The following WDR87 variants were observed in gnomAD, a reference collection of about 807,000 sequenced individuals.
WDR87 encodes the protein WD repeat-containing protein 87.
A neutral mutation model predicts 83.3 loss-of-function variants in WDR87; 56 were observed. The observed-to-expected ratio is 0.67, with a 90% confidence interval of 0.54 to 0.84. The LOEUF (loss-of-function observed/expected upper bound fraction) is 0.84, where lower values mean the gene tolerates loss of function less well. Ranked by LOEUF, WDR87 falls within the 40% of genes least tolerant of loss-of-function variation. WDR87 has a pLI of 0.00. For missense variants in WDR87, 2,939 were observed against 3,431.9 expected (o/e 0.86, Z 3.59); for synonymous variants, 1,173 against 1,250.6 (o/e 0.94, Z 1.31).
chr19:37,899,000 A>G (rs1035308486), intron 1 of WDR87, among the ~76,000 whole-genome samples: 7 of 152,206 alleles, frequency 4.6e-5, no homozygotes, highest in African/African-American at 7.2e-5. Context: ...ATTAAGGCCC[A>G]TCAATGAATA....
In WDR87 at chr19:37,887,034, C is replaced by T; in HGVS notation, c.6637G>A (p.Val2213Ile). ...CCTTCCTCTTCATCATCCAGTATGA[C>T]TTCTGAATGCTTTCTGGCCAATTTG... ...ESKLARKHSE[V>I]ILDDEEEGGI... is the part of the protein sequence containing the mutation. The change falls in exon 6 of 6, where the codon GTC becomes ATC. Residue 2213 changes from valine (V) to isoleucine (I), a missense_variant. Coordinates refer to ENST00000447313, the MANE Select transcript of WDR87 (RefSeq NM_001291088.2). 1 of 1,551,992 alleles carries T rather than the reference C, an allele frequency of 6.4e-7. No individual in the cohort carries two copies. Among genetic ancestry groups the T allele is most frequent in the Non-Finnish European group, 8.7e-7 (1 of 1,147,110 alleles).
In WDR87 at chr19:37,886,472, C is replaced by T. The variant is rs559793753; in HGVS notation, c.7199G>A (p.Arg2400Lys). The change falls in exon 6 of 6, where the codon AGA (arginine) becomes AAA (lysine). Residue 2400 changes from arginine to lysine, a missense_variant. Coordinates refer to ENST00000447313, the MANE Select transcript of WDR87 (RefSeq NM_001291088.2). ...KLQEQRRKSL[R>K]GRERVLSILR... ...AATGGAAAGGACTCTTTCCCTTCCTCTTAGGCTCTTTCTTCTTTGTTCTTG... is the reference window on the plus strand; with the variant it reads ...AATGGAAAGGACTCTTTCCCTTCCTTTTAGGCTCTTTCTTCTTTGTTCTTG... 1.5e-5 allele frequency: 23 copies of T among 1,522,640 alleles called. No homozygotes were observed. The highest frequency in any genetic ancestry group is 2.5e-5 in the East Asian group (1 of 40,770). The allele number at this position is 1,522,640 out of a possible 1,614,324, so 94.3% of individuals were successfully genotyped here. A position where few individuals can be genotyped will look rare whatever the true frequency, so the allele number is the denominator to read the frequency against.
chr19:37,887,697 C>T lies in WDR87; in HGVS notation c.5974G>A (p.Glu1992Lys), dbSNP rs1367823288. The T allele has an allele frequency of 2.6e-5, 40 of 1,552,200 alleles. No homozygotes were observed. The highest frequency in any genetic ancestry group is 3.1e-5 in the Non-Finnish European group (36 of 1,147,124). The change falls in exon 6 of 6, where the codon GAG becomes AAG. Residue 1992 changes from glutamate (E) to lysine (K), a missense_variant. Transcript: ENST00000447313. ...MVQGKKRLRG[E>K]LDIAKEEKAL... Reference sequence around the variant, plus strand: ...TTTTCTTCCTTAGCAATATCCAACTCTCCTCTGAGCCGTTTCTTTCCTTGG... The same window carrying T: ...TTTTCTTCCTTAGCAATATCCAACTTTCCTCTGAGCCGTTTCTTTCCTTGG...
Position 37,890,269 on chromosome 19 carries a change from T to C in WDR87, c.3402A>G (p.Lys1134=). 1.3e-6 allele frequency: 2 copies of C among 1,519,540 alleles called. No homozygotes were observed. The highest frequency in any genetic ancestry group is 1.8e-6 in the Non-Finnish European group (2 of 1,129,654). The allele number at this position is 1,519,540 out of a possible 1,614,324, so 94.1% of individuals were successfully genotyped here. The stretch of plus-strand genomic sequence containing the variant: ...TCGTCTTCTTGAGACCCCGCAACCA[T>C]TTTTGGCCTGCAGTAAAAATCGAGA... ...GQAGVKKHSQ[K]WLRGLKKTKE... The change falls in exon 6 of 6, where the codon AAA becomes AAG. Residue 1134 remains lysine (K), a synonymous_variant. Coordinates refer to ENST00000447313, the MANE Select transcript of WDR87 (RefSeq NM_001291088.2).
chr19:37,898,170 T>C lies in WDR87; in HGVS notation c.70A>G (p.Ser24Gly). 1 of 1,551,714 alleles carries C rather than the reference T, an allele frequency of 6.4e-7. No individual in the cohort carries two copies. Reference protein sequence around the residue: ...KLLLNDTINKSKQPSEDPKNC... With the variant: ...KLLLNDTINKGKQPSEDPKNC... ...ATGTCCTACATATACATTACCTTGC[T>C]TTTATTTATGGTGTCATTTAGGAGG... Residue 24 changes from serine to glycine, a missense_variant, in exon 2 of 6, where the codon AGC (serine) becomes GGC (glycine). Transcript: ENST00000447313.
In WDR87 at chr19:37,889,376, T is replaced by G. The variant is rs1568450548; in HGVS notation, c.4295A>C (p.Lys1432Thr). ...CTTAGGTGACTTCTGAAAGGTTTTC[T>G]TCTCTTCTTTCTTTGATATTTCTTT... ...MGKEISKKEE[K>T]KTFQKSPKQG... Residue 1432 changes from lysine (K) to threonine (T), a missense_variant, in exon 6 of 6, where the codon AAG becomes ACG. Coordinates refer to ENST00000447313, the MANE Select transcript of WDR87 (RefSeq NM_001291088.2). 1 of 1,551,628 alleles carries G rather than the reference T, an allele frequency of 6.4e-7. No homozygotes were observed. Among genetic ancestry groups the G allele is most frequent in the South Asian group, 1.2e-5 (1 of 83,978 alleles).
Position 37,885,757 on chromosome 19 carries a change from C to T in WDR87, c.7914G>A (p.Leu2638=), listed in dbSNP as rs1302040534. The T allele has an allele frequency of 6.4e-7, 1 of 1,551,716 alleles. No individual in the cohort carries two copies. Among genetic ancestry groups the T allele is most frequent in the Non-Finnish European group, 8.7e-7 (1 of 1,147,004 alleles). Residue 2638 remains leucine (L), a synonymous_variant, in exon 6 of 6, where the codon CTG becomes CTA. Transcript: ENST00000447313. The stretch of plus-strand genomic sequence containing the variant: ...TTGCTTTTATAGGAGGAATCACTTT[C>T]AGGTATTTTGGACTCATGGACTGTC... ...SSRQSMSPKY[L]KVIPPIKAKE... is the part of the protein sequence containing the mutation.
At chr19:37,902,783 C>T (rs952090395) in intron 1 of WDR87, among the ~76,000 whole-genome samples, 1 of 152,132 alleles carries the variant, frequency 6.6e-6, no homozygotes, top group African/African-American at 2.4e-5. Context: ...CTCTAGGGGG[C>T]GCTGCACTCC....
chr19:37,897,768 T>C lies in WDR87; in HGVS notation c.75+397A>G, dbSNP rs185028192. ...GGCGTGGTGGCGTGCGCCTGTAGTT[T>C]CAGCTACTTGGGAGGCAGCTGAGGC... On this transcript the variant is annotated intron_variant, in intron 2 of 5. Transcript: ENST00000447313. Among the ~76,000 whole-genome samples, 680 of 152,102 alleles carry C rather than the reference T, an allele frequency of 4.5e-3. 4 individuals are homozygous for C. Among genetic ancestry groups the C allele is most frequent in the Middle Eastern group, 0.024 (7 of 292 alleles).
At position 37,893,958 on chromosome 19, in the gene WDR87, C is replaced by T. The variant is rs1237585246; in HGVS notation, c.1745G>A (p.Trp582Ter). 3 of 1,551,662 alleles carry T rather than the reference C, an allele frequency of 1.9e-6. No individual in the cohort carries two copies. Among genetic ancestry groups the T allele is most frequent in the Non-Finnish European group, 8.7e-7 (1 of 1,147,024 alleles). Residue 582 changes from tryptophan (W) to a stop codon, truncating the protein, a stop_gained, in exon 4 of 6, where the codon TGG becomes TAG. Transcript: ENST00000447313. LOFTEE classifies it high-confidence loss of function. ...AGAGGACAGAAAATCATGGAACTTC[C>T]AGAGACGCAGGCAGTTTGTCTCTGT... ...AITETNCLRL[W>*]KFHDFLSSGS...
Position 37,888,129 on chromosome 19 carries a change from T to C in WDR87, c.5542A>G (p.Lys1848Glu). ...TCCCTTTTTTGGGCCAGTTTCATCT[T>C]CTTCTCAATCAATTGCTCCCTTTTC... ...GRKREQLIEK[K>E]MKLAQKRERW... Residue 1848 changes from lysine to glutamate, a missense_variant, in exon 6 of 6, where the codon AAG (lysine) becomes GAG (glutamate). Transcript: ENST00000447313. 1.3e-6 allele frequency: 2 copies of C among 1,552,124 alleles called. No homozygotes were observed. Among genetic ancestry groups the C allele is most frequent in the Non-Finnish European group, 1.7e-6 (2 of 1,147,104 alleles).
At chr19:37,905,926 T>C (rs1294536236) in intron 1 of WDR87, among the ~76,000 whole-genome samples, 4 of 151,362 alleles carry the variant, frequency 2.6e-5, no homozygotes, top group Admixed American at 1.3e-4. Context: ...GTCCAGTCTG[T>C]CTGGATTTCT....
At chr19:37,902,438 G>A (rs1010505905) in intron 1 of WDR87, among the ~76,000 whole-genome samples, 8 of 151,864 alleles carry the variant, frequency 5.3e-5, no homozygotes, top group African/African-American at 1.9e-4. Context: ...GGCTGGTCTC[G>A]AACTTCTGAC....
At position 37,890,180 on chromosome 19, in the gene WDR87, T is replaced by G; in HGVS notation, c.3491A>C (p.Glu1164Ala). The G allele has an allele frequency of 6.4e-7, 1 of 1,551,832 alleles. No homozygotes were observed. Among genetic ancestry groups the G allele is most frequent in the Non-Finnish European group, 8.7e-7 (1 of 1,147,016 alleles). The change falls in exon 6 of 6, where the codon GAG becomes GCG. Residue 1164 changes from glutamate (E) to alanine (A), a missense_variant. By Grantham distance (107) the Glu-to-Ala change is moderately radical. Transcript: ENST00000447313. ...PGLLEDESGT[E>A]AAPIEMEEAS... ...TTCCTCCATCTCAATTGGTGCGGCCTCAGTCCCACTTTCATCCTCTAAGAG... is the reference window on the plus strand; with the variant it reads ...TTCCTCCATCTCAATTGGTGCGGCCGCAGTCCCACTTTCATCCTCTAAGAG...
intron 2 of WDR87, among the ~76,000 whole-genome samples, chr19:37,897,030 G>A (rs762144909): frequency 7.9e-5 from 12 of 152,044 alleles, no homozygotes; most frequent in Non-Finnish European, 1.5e-4. Context: ...GAATATAGCG[G>A]AATCTCCCAA....
rs1345208153 is a variant in WDR87, at chr19:37,889,617, C to G, written c.4054G>C (p.Glu1352Gln). Residue 1352 changes from glutamate to glutamine, a missense_variant, in exon 6 of 6, where the codon GAG becomes CAG. This residue lies in a region of WDR87 where 2,160 missense variants were observed against 2,533.1 expected (regional missense o/e 0.85). Coordinates refer to ENST00000447313, the MANE Select transcript of WDR87 (RefSeq NM_001291088.2). Reference protein sequence around the residue: ...EDLDWDVVPPEKKPIFIQEGA... With the variant: ...EDLDWDVVPPQKKPIFIQEGA... ...TCCTGGATAAAAATTGGTTTCTTCTCTGGCGGGACTACATCCCAATCAAGG... is the reference window on the plus strand; with the variant it reads ...TCCTGGATAAAAATTGGTTTCTTCTGTGGCGGGACTACATCCCAATCAAGG... The G allele has an allele frequency of 1.9e-6, 3 of 1,551,868 alleles. No individual in the cohort carries two copies. The Admixed American group carries it at 5.9e-5, about 30-fold the overall frequency.
At chr19:37,900,487 G>A (rs1481791895) in intron 1 of WDR87, among the ~76,000 whole-genome samples, 1 of 143,248 alleles carries the variant, frequency 7.0e-6, no homozygotes, top group South Asian at 2.2e-4. Context: ...CTTCAACATG[G>A]GAGACAGAGG....
At position 37,887,227 on chromosome 19, in the gene WDR87, G is replaced by A; in HGVS notation, c.6444C>T (p.Arg2148=). Residue 2148 remains arginine, a synonymous_variant, in exon 6 of 6, where the codon CGC becomes CGT. Transcript: ENST00000447313. ...KMKRALFVKE[R]RLSIEQSKLD... ...GCTTACTCTGTTCTATACTCAACCTGCGCTCCTTAACAAAGAGTGCCCTCT... is the reference window on the plus strand; with the variant it reads ...GCTTACTCTGTTCTATACTCAACCTACGCTCCTTAACAAAGAGTGCCCTCT... 2 of 1,551,738 alleles carry A rather than the reference G, an allele frequency of 1.3e-6. No homozygotes were observed. Among genetic ancestry groups the A allele is most frequent in the Non-Finnish European group, 1.7e-6 (2 of 1,147,022 alleles).
At chr19:37,899,629 G>A (rs908547742) in intron 1 of WDR87, among the ~76,000 whole-genome samples, 2 of 152,028 alleles carry the variant, frequency 1.3e-5, no homozygotes, top group African/African-American at 4.8e-5. Context: ...TTTTGTTTTT[G>A]TAGAGACAGG....
Sources: gnomAD v4.1 joint callset for allele counts (sites outside exome capture counted in the v4.1 genomes callset) on GRCh38, gnomAD v4.1.1 for gene constraint, gnomAD v4.1.1 regional missense constraint, MANE v1.5 for transcripts, NCBI Gene and HGNC (gene_info 2026-07-23, HGNC 2026-07-21) for gene names.